Variants in SLC24A2 observed in about 807,000 individuals in gnomAD.
SLC24A2 encodes the protein sodium/potassium/calcium exchanger 2.
In SLC24A2, 36 loss-of-function variants were observed where a neutral mutation model predicts 62.0. That is an observed-to-expected ratio of 0.58 (90% confidence interval 0.44 to 0.77). SLC24A2 has a LOEUF of 0.77. Among genes scored for constraint, SLC24A2 ranks in the 30% least tolerant of loss-of-function variants. The pLI, the probability that SLC24A2 is intolerant of heterozygous loss-of-function variation, is 0.00. For synonymous variants in SLC24A2, 358 were observed against 294.0 expected, an observed-to-expected ratio of 1.22 and a Z score of -2.23; for missense variants, 846 against 817.9, an observed-to-expected ratio of 1.03 and a Z score of -0.42.
the SLC24A2 span, among the ~76,000 whole-genome samples, chr9:20,265,400 G>C: frequency 6.6e-6 from 1 of 152,174 alleles, no homozygotes; most frequent in East Asian, 1.9e-4. Context: ...AGATTTCATG[G>C]ACATTTATTA....
At chr9:19,562,980 C>T (rs912325894) in intron 7 of SLC24A2, among the ~76,000 whole-genome samples, 1 of 152,068 alleles carries the variant, frequency 6.6e-6, no homozygotes, top group Admixed American at 6.5e-5. Context: ...GTGGTTTGCA[C>T]CTGTAGTCCT....
the SLC24A2 span, among the ~76,000 whole-genome samples, chr9:19,932,417 T>C: frequency 6.6e-6 from 1 of 152,210 alleles, no homozygotes; most frequent in Non-Finnish European, 1.5e-5. Flanking sequence ...AGCAATATTA[T>C]GAGCCTGAAT....
intron 1 of SLC24A2, among the ~76,000 whole-genome samples, chr9:19,787,742 A>C (rs1823218771): frequency 6.6e-6 from 1 of 152,220 alleles, no homozygotes; most frequent in Admixed American, 6.5e-5. Flanking sequence ...TTTTAAAAAA[A>C]CAACCTTTAG....
intron 2 of SLC24A2, 91 bp from the exon 3 acceptor site, chr9:19,622,390 T>G: frequency 7.8e-7 from 1 of 1,278,266 alleles, no homozygotes; most frequent in Non-Finnish European, 1.1e-6. Context: ...CAAGCATCAG[T>G]ATAGGGGAAG....
the SLC24A2 span, among the ~76,000 whole-genome samples, chr9:20,040,462 C>T: frequency 6.6e-6 from 1 of 152,308 alleles, no homozygotes; most frequent in South Asian, 2.1e-4. Context: ...GCTAGGACTT[C>T]TGAGCTTACA....
the SLC24A2 span, among the ~76,000 whole-genome samples, chr9:20,246,574 A>G: frequency 2.0e-5 from 3 of 152,242 alleles, 1 homozygote; most frequent in Non-Finnish European, 4.4e-5. Flanking sequence ...TGTTGATAGA[A>G]TTTAATGAGA....
intron 8 of SLC24A2, among the ~76,000 whole-genome samples, chr9:19,537,135 T>G (rs1834017999): frequency 6.6e-6 from 1 of 151,210 alleles, no homozygotes; most frequent in Admixed American, 6.6e-5. Flanking sequence ...GCGAAAATTT[T>G]CTCCCATGTT....
At chr9:19,798,530 T>C in the SLC24A2 span, among the ~76,000 whole-genome samples, 247 of 152,170 alleles carry the variant, frequency 1.6e-3, 1 homozygote, top group African/African-American at 5.8e-3. Context: ...ATGAGTGAGA[T>C]CTTTAATGTT....
At chr9:19,550,042 T>G (rs569499083) in intron 8 of SLC24A2, 95 bp downstream of exon 8, 37 of 1,281,766 alleles carry the variant, frequency 2.9e-5, no homozygotes, top group Non-Finnish European at 4.1e-5. Flanking sequence ...CAAGTGTACT[T>G]CCTTTTTCCT....
At chr9:19,942,679 A>G in the SLC24A2 span, among the ~76,000 whole-genome samples, 2 of 152,224 alleles carry the variant, frequency 1.3e-5, no homozygotes, top group African/African-American at 4.8e-5. Context: ...CAGATCTTCA[A>G]AAGTATCCTA....
Position 19,636,314 on chromosome 9 carries a change from C to CTTTTCTTTTCT in SLC24A2, c.931-14016_931-14015insAGAAAAGAAAA, listed in dbSNP as rs1818325613. Among the ~76,000 whole-genome samples the CTTTTCTTTTCT allele has an allele frequency of 3.3e-4, 7 of 21,258 alleles. No individual in the cohort carries two copies. In the South Asian group the frequency reaches 6.4e-3, roughly 19 times the overall value. 13.9% of individuals were successfully genotyped at this position (21,258 alleles called of 152,430 possible). Reference sequence around the variant, plus strand: ...CTTTTCTTTTCTTTTCTTTTCTTTTCTTTTCTTTCTTTCTTTCTTTCTTTC... The same window carrying CTTTTCTTTTCT: ...CTTTTCTTTTCTTTTCTTTTCTTTTCTTTTCTTTTCTTTTTCTTTCTTTCTTTCTTTCTTTC... On this transcript the variant is annotated intron_variant, in intron 2 of 10. Transcript: ENST00000341998.
chr9:19,764,909 C>A (rs540362410), intron 2 of SLC24A2, among the ~76,000 whole-genome samples: 2 of 152,210 alleles, frequency 1.3e-5, no homozygotes, highest in East Asian at 3.9e-4. Flanking sequence ...AAGTCTCCCA[C>A]TATTACTGTG....
At chr9:19,525,224 T>C (rs915058237) in intron 9 of SLC24A2, among the ~76,000 whole-genome samples, 3 of 151,996 alleles carry the variant, frequency 2.0e-5, no homozygotes, top group African/African-American at 4.8e-5. Context: ...ATGAATAATA[T>C]AAAATATCAT....
At chr9:20,157,253 G>A in the SLC24A2 span, among the ~76,000 whole-genome samples, 599 of 151,352 alleles carry the variant, frequency 4.0e-3, 3 homozygotes, top group African/African-American at 0.013. Context: ...GGATCAATAA[G>A]AGGGAATAAA....
the SLC24A2 span, among the ~76,000 whole-genome samples, chr9:19,863,577 C>A: frequency 6.6e-6 from 1 of 151,832 alleles, no homozygotes; most frequent in Non-Finnish European, 1.5e-5. Context: ...GGAAACTATA[C>A]AAATACATGG....
At chr9:19,881,489 A>G in the SLC24A2 span, among the ~76,000 whole-genome samples, 1 of 152,144 alleles carries the variant, frequency 6.6e-6, no homozygotes, top group Non-Finnish European at 1.5e-5. Flanking sequence ...AAGACATAAT[A>G]TGTAAAGGAT....
At chr9:20,008,049 C>T in the SLC24A2 span, among the ~76,000 whole-genome samples, 2 of 151,728 alleles carry the variant, frequency 1.3e-5, no homozygotes, top group Admixed American at 1.3e-4. Context: ...GTGCGCACCA[C>T]CATGCCCAGG....
chr9:19,860,946 C>A, the SLC24A2 span, among the ~76,000 whole-genome samples: 1 of 152,148 alleles, frequency 6.6e-6, no homozygotes, highest in Non-Finnish European at 1.5e-5. Context: ...ACCAGGTGGA[C>A]TTCTAAGGTT....
the SLC24A2 span, among the ~76,000 whole-genome samples, chr9:20,043,791 G>A: frequency 6.6e-6 from 1 of 152,170 alleles, no homozygotes; most frequent in Non-Finnish European, 1.5e-5. Context: ...TGATGAAGTT[G>A]CTGTGTTGAA....
Sources: allele counts gnomAD v4.1 joint callset (sites outside exome capture counted in the v4.1 genomes callset), GRCh38; gene constraint gnomAD v4.1.1; transcripts MANE v1.5; gene names NCBI Gene and HGNC (gene_info 2026-07-23, HGNC 2026-07-21).